Variants in GRAMD1B observed in about 807,000 individuals in gnomAD.
GRAMD1B encodes protein Aster-B.
Under a neutral mutation model 99.7 loss-of-function variants are expected in GRAMD1B, and 37 were observed. The ratio of observed to expected loss-of-function variants is 0.37; its 90% CI spans 0.29 to 0.49. GRAMD1B has a LOEUF of 0.49. GRAMD1B is among the 20% of genes least tolerant of loss of function. GRAMD1B has a pLI of 0.98. For missense variants in GRAMD1B, 888 were observed against 1,009.2 expected (o/e 0.88, Z 1.63); for synonymous variants, 427 against 387.6 (o/e 1.10, Z -1.19).
At chr11:123,409,982 A>G (rs1382824870) in intron 1 of GRAMD1B, among the ~76,000 whole-genome samples, 6 of 152,158 alleles carry the variant, frequency 3.9e-5, no homozygotes, top group South Asian at 2.1e-4. Context: ...AGTTGGACTT[A>G]TGGAGTCACA....
chr11:123,601,929 G>A (rs552781558), intron 8 of GRAMD1B, among the ~76,000 whole-genome samples: 259 of 152,358 alleles, frequency 1.7e-3, no homozygotes, highest in African/African-American at 6.0e-3. Context: ...GCCAAGCCAA[G>A]CCAGGTGGCG....
chr11:123,538,348 G>T (rs1944168806), intron 2 of GRAMD1B, among the ~76,000 whole-genome samples: 1 of 151,952 alleles, frequency 6.6e-6, no homozygotes. Context: ...TGTCTTGCTT[G>T]GCATGGTGGA....
At chr11:123,571,128 G>T (rs1487406460) in intron 2 of GRAMD1B, among the ~76,000 whole-genome samples, 2 of 152,232 alleles carry the variant, frequency 1.3e-5, no homozygotes, top group African/African-American at 4.8e-5. Context: ...GGGCAGAAAT[G>T]ATTTTCTCTG....
chr11:123,380,181 A>T (rs1205454891), intron 1 of GRAMD1B, among the ~76,000 whole-genome samples: 1 of 152,196 alleles, frequency 6.6e-6, no homozygotes, highest in East Asian at 1.9e-4. Context: ...TCTAATTTCG[A>T]TGACGTCCAG....
chr11:123,565,058 G>A (rs1288956447), intron 2 of GRAMD1B, among the ~76,000 whole-genome samples: 1 of 151,994 alleles, frequency 6.6e-6, no homozygotes, highest in African/African-American at 2.4e-5. Flanking sequence ...TTTTGAGAAA[G>A]GATCTCACTC....
At chr11:123,521,972 T>C (rs538397787) in intron 2 of GRAMD1B, among the ~76,000 whole-genome samples, 12 of 152,388 alleles carry the variant, frequency 7.9e-5, no homozygotes, top group African/African-American at 1.7e-4. Context: ...TCTTTTTTTT[T>C]CCTATTTTAT....
At chr11:123,494,048 G>T (rs1164751091) in intron 2 of GRAMD1B, among the ~76,000 whole-genome samples, 1 of 152,086 alleles carries the variant, frequency 6.6e-6, no homozygotes, top group Non-Finnish European at 1.5e-5. Context: ...CTTGATCATT[G>T]TCTGTCTCCC....
intron 2 of GRAMD1B, among the ~76,000 whole-genome samples, chr11:123,505,824 C>G (rs1016891489): frequency 6.6e-6 from 1 of 152,076 alleles, no homozygotes; most frequent in South Asian, 2.1e-4. Context: ...TTCTCTTTCA[C>G]TCTCTCTCTC....
Position 123,368,811 on chromosome 11 carries a change from T to C in GRAMD1B, c.-176+10012T>C, listed in dbSNP as rs112379089. On this transcript the variant is annotated intron_variant, in intron 1 of 20. Coordinates refer to the GRAMD1B transcript ENST00000638157. ...AAGATTTGGGGTTTCATTCATTATC[T>C]TGGCAAAAATAGTGTCAATGAAGTC... Among the ~76,000 whole-genome samples the C allele has an allele frequency of 8.7e-3, 1,330 of 152,134 alleles. 12 individuals are homozygous for C. The highest frequency in any genetic ancestry group is 0.03 in the African/African-American group (1,258 of 41,490).
chr11:123,380,656 C>T (rs113178981), intron 1 of GRAMD1B, among the ~76,000 whole-genome samples: 239 of 152,278 alleles, frequency 1.6e-3, no homozygotes, highest in African/African-American at 5.5e-3. Flanking sequence ...TGCCCACCGC[C>T]GTTTCAACAC....
chr11:123,612,183 C>T (rs1045158871), intron 14 of GRAMD1B, among the ~76,000 whole-genome samples: 1 of 152,068 alleles, frequency 6.6e-6, no homozygotes, highest in Admixed American at 6.5e-5. Context: ...ACCTCCACCT[C>T]AACCTCCCAT....
At chr11:123,523,708 T>C (rs1942418222) in intron 2 of GRAMD1B, among the ~76,000 whole-genome samples, 1 of 152,254 alleles carries the variant, frequency 6.6e-6, no homozygotes, top group African/African-American at 2.4e-5. Flanking sequence ...TGGAGTACTC[T>C]CAGTGACATT....
At chr11:123,580,920 T>C (rs1021074188) in intron 3 of GRAMD1B, among the ~76,000 whole-genome samples, 2 of 148,030 alleles carry the variant, frequency 1.4e-5, no homozygotes, top group African/African-American at 5.0e-5. Context: ...TTTTTTCAAA[T>C]CTAATTTTTG....
intron 1 of GRAMD1B, among the ~76,000 whole-genome samples, chr11:123,445,402 C>G (rs1413697180): frequency 1.3e-5 from 2 of 152,160 alleles, no homozygotes; most frequent in Non-Finnish European, 2.9e-5. Flanking sequence ...AAAGGTCATT[C>G]TGTACAGGGT....
intron 1 of GRAMD1B, among the ~76,000 whole-genome samples, chr11:123,469,155 G>A (rs1452621505): frequency 6.6e-6 from 1 of 152,050 alleles, no homozygotes; most frequent in African/African-American, 2.4e-5. Flanking sequence ...GAGAGCGGAG[G>A]TGACGTGAGG....
chr11:123,622,448 T>G, intron 19 of GRAMD1B, 58 bp from the exon 20 acceptor site: 4 of 1,047,762 alleles, frequency 3.8e-6, no homozygotes, highest in Non-Finnish European at 5.8e-6. Flanking sequence ...GGCTGCTCGG[T>G]GGAGAATCCC....
intron 1 of GRAMD1B, among the ~76,000 whole-genome samples, chr11:123,394,346 T>C (rs1386454837): frequency 1.3e-5 from 2 of 152,218 alleles, no homozygotes; most frequent in Non-Finnish European, 2.9e-5. Flanking sequence ...TTTGTGTCTC[T>C]CAAACATGGC....
chr11:123,397,921 G>T (rs1020509018), intron 1 of GRAMD1B, among the ~76,000 whole-genome samples: 1 of 152,174 alleles, frequency 6.6e-6, no homozygotes, highest in African/African-American at 2.4e-5. Flanking sequence ...ACAGTAGCTT[G>T]TTCCTTTTTA....
upstream of GRAMD1B, among the ~76,000 whole-genome samples, chr11:123,426,799 G>T (rs745471024): frequency 2.6e-5 from 4 of 152,216 alleles, no homozygotes; most frequent in African/African-American, 4.8e-5. Context: ...GTACCCAGGA[G>T]AAATCTAGTC....
Sources: gnomAD v4.1 joint callset for allele counts (sites outside exome capture counted in the v4.1 genomes callset) on GRCh38, gnomAD v4.1.1 for gene constraint, MANE v1.5 for transcripts, NCBI Gene and HGNC (gene_info 2026-07-23, HGNC 2026-07-21) for gene names.